The following SLC26A7 variants were observed in gnomAD, a reference collection of about 807,000 sequenced individuals.
The protein encoded by SLC26A7 is anion exchange transporter.
SLC26A7 carries 59 observed loss-of-function variants against 82.5 expected under a neutral mutation model. The observed-to-expected ratio is 0.72, with a 90% confidence interval of 0.58 to 0.89. The LOEUF (loss-of-function observed/expected upper bound fraction) is 0.89. SLC26A7 is among the 40% of genes least tolerant of loss of function. The probability of loss-of-function intolerance (pLI) is 0.00; values close to 1 mark genes in which losing one functional copy is unlikely to be tolerated. For missense variants in SLC26A7, 820 were observed against 793.0 expected, an observed-to-expected ratio of 1.03 and a Z score of -0.41; for synonymous variants, 271 against 274.3, an observed-to-expected ratio of 0.99 and a Z score of 0.12.
At chr8:91,284,067 C>T (rs928367552) in intron 2 of SLC26A7, among the ~76,000 whole-genome samples, 17 of 152,082 alleles carry the variant, frequency 1.1e-4, no homozygotes, top group African/African-American at 3.6e-4. Flanking sequence ...TGTGTATATA[C>T]ATATATAGAT....
intron 4 of SLC26A7, among the ~76,000 whole-genome samples, chr8:91,303,930 C>T (rs1400026177): frequency 6.6e-6 from 1 of 152,188 alleles, no homozygotes; most frequent in Non-Finnish European, 1.5e-5. Flanking sequence ...ACCATTACAG[C>T]AGAAAGTCAT....
At chr8:91,300,395 C>T (rs1167590638) in intron 4 of SLC26A7, among the ~76,000 whole-genome samples, 3 of 150,680 alleles carry the variant, frequency 2.0e-5, no homozygotes, top group Non-Finnish European at 3.0e-5. Flanking sequence ...CATTAATTTG[C>T]TAGAATTTTT....
At chr8:91,388,264 T>A (rs1814853327) in intron 15 of SLC26A7, among the ~76,000 whole-genome samples, 2 of 150,488 alleles carry the variant, frequency 1.3e-5, no homozygotes, top group Admixed American at 6.6e-5. Flanking sequence ...CCGAGCGGGA[T>A]TTTTTTTAGT....
chr8:91,379,789 G>A (rs1357490004), intron 15 of SLC26A7, among the ~76,000 whole-genome samples: 5 of 151,914 alleles, frequency 3.3e-5, no homozygotes, highest in African/African-American at 1.2e-4. Flanking sequence ...TAAAGAAAAT[G>A]ATTATTAAAC....
At chr8:91,353,652 A>G (rs1003279963) in intron 11 of SLC26A7, among the ~76,000 whole-genome samples, 15 of 152,272 alleles carry the variant, frequency 9.9e-5, no homozygotes, top group Non-Finnish European at 1.9e-4. Context: ...GTTTAGCTCT[A>G]TTATGACAGT....
chr8:91,268,885 T>A (rs80256755), intron 2 of SLC26A7, among the ~76,000 whole-genome samples: 1,799 of 151,774 alleles, frequency 0.012, 31 homozygotes, highest in African/African-American at 0.042. Context: ...CTTACAAAAA[T>A]TTTTATAGTT....
At chr8:91,245,922 A>G (rs1038240344), upstream of SLC26A7, among the ~76,000 whole-genome samples, 4 of 152,262 alleles carry the variant, frequency 2.6e-5, no homozygotes, top group Non-Finnish European at 4.4e-5. Flanking sequence ...GTGTCTGTCT[A>G]TCCTTTGTCT....
chr8:91,264,817 T>C (rs1275642666), intron 2 of SLC26A7, among the ~76,000 whole-genome samples: 1 of 152,082 alleles, frequency 6.6e-6, no homozygotes. Flanking sequence ...TTTTAATATA[T>C]ATAAACATTG....
At chr8:91,248,036 T>C (rs143715581), upstream of SLC26A7, among the ~76,000 whole-genome samples, 197 of 152,262 alleles carry the variant, frequency 1.3e-3, no homozygotes, top group African/African-American at 4.5e-3. Context: ...GTTTCAAGCA[T>C]GAATTTACAA....
chr8:91,389,722 G>T (rs16912719), intron 16 of SLC26A7, among the ~76,000 whole-genome samples: 5,279 of 152,262 alleles, frequency 0.035, 103 homozygotes, highest in African/African-American at 0.045. Flanking sequence ...GGGCATAGGA[G>T]CTCCTAGGCA....
At chr8:91,278,289 C>T (rs1298419240) in intron 2 of SLC26A7, among the ~76,000 whole-genome samples, 2 of 151,910 alleles carry the variant, frequency 1.3e-5, no homozygotes, top group Non-Finnish European at 2.9e-5. Context: ...TCTTGCAGAG[C>T]TGCAAGAGAC....
At chr8:91,323,676 G>A (rs1453114696) in intron 5 of SLC26A7, among the ~76,000 whole-genome samples, 1 of 152,106 alleles carries the variant, frequency 6.6e-6, no homozygotes, top group African/African-American at 2.4e-5. Flanking sequence ...TATAGTTATT[G>A]ATTAGAAATT....
At chr8:91,286,195 G>T (rs528940004) in intron 2 of SLC26A7, among the ~76,000 whole-genome samples, 17 of 152,226 alleles carry the variant, frequency 1.1e-4, no homozygotes, top group Admixed American at 3.9e-4. Context: ...TCTCAGCACA[G>T]CGTGGGTTGG....
intron 2 of SLC26A7, among the ~76,000 whole-genome samples, chr8:91,254,655 TATA>T (rs572181338): frequency 2.5e-4 from 38 of 152,222 alleles, no homozygotes; most frequent in African/African-American, 8.9e-4. Flanking sequence ...AATAAATAGG[TATA>T]ATATAGAGAT....
intron 13 of SLC26A7, 54 bp downstream of exon 13, chr8:91,363,592 G>A: frequency 9.2e-7 from 1 of 1,082,680 alleles, no homozygotes; most frequent in Admixed American, 2.5e-5. Context: ...TTGTGGGTGA[G>A]ATAATTTTAA....
chr8:91,324,930 C>T (rs982938199), intron 5 of SLC26A7, among the ~76,000 whole-genome samples: 1 of 152,124 alleles, frequency 6.6e-6, no homozygotes, highest in Non-Finnish European at 1.5e-5. Context: ...AATGCTAATT[C>T]CCTAAGGTAG....
At chr8:91,350,248 C>T (rs1218413450) in intron 9 of SLC26A7, among the ~76,000 whole-genome samples, 1 of 152,046 alleles carries the variant, frequency 6.6e-6, no homozygotes, top group Non-Finnish European at 1.5e-5. Flanking sequence ...TCTCCTTCTT[C>T]CCATATACAC....
chr8:91,300,863 T>C (rs926003493), intron 4 of SLC26A7, among the ~76,000 whole-genome samples: 1 of 152,232 alleles, frequency 6.6e-6, no homozygotes, highest in African/African-American at 2.4e-5. Context: ...CCACAAATTA[T>C]AATGCAGTCC....
At chr8:91,291,034 G>C (rs1012649956) in intron 3 of SLC26A7, among the ~76,000 whole-genome samples, 25 of 151,920 alleles carry the variant, frequency 1.6e-4, no homozygotes, top group African/African-American at 5.6e-4. Context: ...TTAATCTGTA[G>C]GTAATATAGT....
Sources: gnomAD v4.1 joint callset for allele counts (sites outside exome capture counted in the v4.1 genomes callset) on GRCh38, gnomAD v4.1.1 for gene constraint, MANE v1.5 for transcripts, NCBI Gene and HGNC (gene_info 2026-07-23, HGNC 2026-07-21) for gene names.